Variants in POU2F1 observed in about 807,000 individuals in gnomAD.
The protein encoded by POU2F1 is POU class 2 homeobox 1.
Under a neutral mutation model 84.9 loss-of-function variants are expected in POU2F1, and 16 were observed. The ratio of observed to expected loss-of-function variants is 0.19; its 90% CI spans 0.13 to 0.29. The LOEUF is 0.29. Among genes scored for constraint, POU2F1 ranks in the 10% least tolerant of loss-of-function variants. POU2F1 has a pLI of 1.00. For missense variants in POU2F1, 738 were observed against 942.6 expected, an observed-to-expected ratio of 0.78 and a Z score of 2.84; for synonymous variants, 368 against 368.3, an observed-to-expected ratio of 1.00 and a Z score of 0.01.
At chr1:167,372,176 A>C in intron 5 of POU2F1, 140 bp downstream of exon 5, 6 of 1,060,176 alleles carry the variant, frequency 5.7e-6, no homozygotes, top group Non-Finnish European at 8.0e-6. Context: ...GGAACTTCCT[A>C]CACTGTAGGT....
intron 1 of POU2F1, among the ~76,000 whole-genome samples, chr1:167,251,624 G>C (rs1411864904): frequency 6.6e-6 from 1 of 151,990 alleles, no homozygotes; most frequent in Non-Finnish European, 1.5e-5. Context: ...TAGGAAAACA[G>C]CATTTTTCCA....
intron 13 of POU2F1, among the ~76,000 whole-genome samples, chr1:167,411,217 T>G (rs1649942584): frequency 6.6e-6 from 1 of 152,102 alleles, no homozygotes; most frequent in African/African-American, 2.4e-5. Context: ...TTTTTGTATT[T>G]TTATTAGAGG....
chr1:167,304,068 AG>A, intron 1 of POU2F1, among the ~76,000 whole-genome samples: 1 of 152,346 alleles, frequency 6.6e-6, no homozygotes, highest in South Asian at 2.1e-4. Flanking sequence ...TAGCTAGTGT[AG>A]AACAGAGATC....
chr1:167,364,887 A>C (rs1359716928), intron 2 of POU2F1, among the ~76,000 whole-genome samples: 1 of 152,172 alleles, frequency 6.6e-6, no homozygotes, highest in African/African-American at 2.4e-5. Flanking sequence ...CATTTTGAAA[A>C]ATATAATTAC....
At position 167,420,056 on chromosome 1, in the gene POU2F1, A is replaced by G. The variant is rs921071035; in HGVS notation, c.*4246A>G. 6.6e-6 allele frequency: 1 copy of G among 152,224 alleles called. No homozygotes were observed. Among genetic ancestry groups the G allele is most frequent in the African/African-American group, 2.4e-5 (1 of 41,468 alleles). 9.4% of individuals were successfully genotyped at this position (152,224 alleles called of 1,614,324 possible). ...CCTTGTCTGTATTATCCAGAAGCAC[A>G]GATATTTGCTTGACACAATATTTAA... On this transcript the variant is annotated 3_prime_UTR_variant, in exon 16 of 16. Coordinates refer to ENST00000367866, the MANE Select transcript of POU2F1 (RefSeq NM_002697.4).
intron 1 of POU2F1, among the ~76,000 whole-genome samples, chr1:167,267,865 C>T (rs1055000418): frequency 6.6e-6 from 1 of 151,980 alleles, no homozygotes; most frequent in Non-Finnish European, 1.5e-5. Flanking sequence ...TGGTCTTGAT[C>T]TCCTGACCTC....
At chr1:167,254,456 T>A (rs1650982534) in intron 1 of POU2F1, among the ~76,000 whole-genome samples, 1 of 152,246 alleles carries the variant, frequency 6.6e-6, no homozygotes, top group Non-Finnish European at 1.5e-5. Context: ...GATGTAGGGA[T>A]AATTCTGTTT....
intron 15 of POU2F1, chr1:167,414,775 C>G: frequency 6.4e-6 from 6 of 940,270 alleles, no homozygotes; most frequent in Non-Finnish European, 7.6e-6. Context: ...AGTATTTAGC[C>G]TCAGGAAGTG....
At chr1:167,365,646 G>A in intron 3 of POU2F1, 79 bp downstream of exon 3, 1 of 1,006,252 alleles carries the variant, frequency 9.9e-7, no homozygotes, top group Non-Finnish European at 1.4e-6. Flanking sequence ...AGTTATTTCA[G>A]AATGTGGGAC....
At chr1:167,342,034 C>T (rs148605265) in intron 2 of POU2F1, among the ~76,000 whole-genome samples, 9 of 152,272 alleles carry the variant, frequency 5.9e-5, no homozygotes, top group African/African-American at 2.2e-4. Flanking sequence ...TTCTGCTCTA[C>T]TGTTCATGTC....
In POU2F1 at chr1:167,416,041, CTT is replaced by C. The variant is rs749716759; in HGVS notation, c.*234_*235del. 1.7e-6 allele frequency: 1 copy of C among 584,078 alleles called. No homozygotes were observed. Among genetic ancestry groups the C allele is most frequent in the Non-Finnish European group, 3.1e-6 (1 of 324,518 alleles). 36.2% of individuals were successfully genotyped at this position (584,078 alleles called of 1,614,324 possible). A position where few individuals can be genotyped will look rare whatever the true frequency, so the allele number is the denominator to read the frequency against. On this transcript the variant is annotated 3_prime_UTR_variant, in exon 16 of 16. Coordinates refer to ENST00000367866, the MANE Select transcript of POU2F1 (RefSeq NM_002697.4). ...GCCTAATTTTGTAATAAAACACTGT[CTT>C]TTCAGGATTGCTTCATGGATTGGAG...
chr1:167,239,823 A>C (rs764271311), intron 1 of POU2F1, among the ~76,000 whole-genome samples: 3 of 152,306 alleles, frequency 2.0e-5, no homozygotes, highest in Non-Finnish European at 2.9e-5. Flanking sequence ...TCAGGGTTAT[A>C]CTTTACACCG....
chr1:167,318,248 G>A (rs1304284222), intron 1 of POU2F1, among the ~76,000 whole-genome samples: 2 of 152,202 alleles, frequency 1.3e-5, no homozygotes, highest in South Asian at 2.1e-4. Flanking sequence ...CCTACAGTGG[G>A]CCATATCATT....
Position 167,424,561 on chromosome 1 carries a change from C to T in POU2F1, c.*8751C>T, listed in dbSNP as rs1402626624. ...TGACCGAGTGACTTGCTTTAACTTT[C>T]TCGAAATCCTACAGAGTTGCCAAGT... On this transcript the variant is annotated 3_prime_UTR_variant, in exon 16 of 16. Transcript: ENST00000367866. 1 of 152,292 alleles carries T rather than the reference C, an allele frequency of 6.6e-6. No homozygotes were observed. Among genetic ancestry groups the T allele is most frequent in the Non-Finnish European group, 1.5e-5 (1 of 68,108 alleles). 9.4% of individuals were successfully genotyped at this position (152,292 alleles called of 1,614,324 possible).
At chr1:167,240,971 C>T (rs548298291) in intron 1 of POU2F1, among the ~76,000 whole-genome samples, 55 of 152,080 alleles carry the variant, frequency 3.6e-4, no homozygotes, top group Non-Finnish European at 5.9e-4. Flanking sequence ...GGAGAGACCC[C>T]GTCTCTGCTA....
At chr1:167,401,255 G>A (rs779099935) in intron 12 of POU2F1, among the ~76,000 whole-genome samples, 196 bp from the exon 13 acceptor site, 17 of 152,004 alleles carry the variant, frequency 1.1e-4, no homozygotes, top group African/African-American at 2.4e-5. Flanking sequence ...TGAAATTTAC[G>A]AACTTTTTAT....
chr1:167,292,371 T>C (rs1653987415), intron 1 of POU2F1, among the ~76,000 whole-genome samples: 1 of 152,006 alleles, frequency 6.6e-6, no homozygotes, highest in South Asian at 2.1e-4. Context: ...TGAATATTAT[T>C]GTTAGTTGTT....
intron 8 of POU2F1, among the ~76,000 whole-genome samples, chr1:167,388,253 G>A (rs891181439): frequency 2.6e-5 from 4 of 152,144 alleles, no homozygotes; most frequent in Non-Finnish European, 4.4e-5. Context: ...AGTAGTAAGA[G>A]AAATACAAAT....
At chr1:167,313,125 C>T (rs1025240739) in intron 1 of POU2F1, among the ~76,000 whole-genome samples, 1 of 152,116 alleles carries the variant, frequency 6.6e-6, no homozygotes, top group African/African-American at 2.4e-5. Flanking sequence ...TCCAACAAAA[C>T]ATGTACAGGA....
Sources: allele counts gnomAD v4.1 joint callset (sites outside exome capture counted in the v4.1 genomes callset), GRCh38; gene constraint gnomAD v4.1.1; transcripts MANE v1.5; gene names NCBI Gene and HGNC (gene_info 2026-07-23, HGNC 2026-07-21).